ADGRV1: variants seen among roughly 807,000 people sequenced by gnomAD.
The protein encoded by ADGRV1 is adhesion G protein-coupled receptor V1.
A neutral mutation model predicts 596.2 loss-of-function variants in ADGRV1; 359 were observed. That is an observed-to-expected ratio of 0.60 (90% confidence interval 0.55 to 0.66). The LOEUF is 0.66. Among genes scored for constraint, ADGRV1 ranks in the 30% least tolerant of loss-of-function variants. The pLI is 0.00. For missense variants in ADGRV1, 7,274 were observed against 7,575.6 expected, an observed-to-expected ratio of 0.96 and a Z score of 1.48; for synonymous variants, 2,681 against 2,679.2, an observed-to-expected ratio of 1.00 and a Z score of -0.02.
At chr5:91,111,918 CA>C (rs1280623855) in intron 87 of ADGRV1, among the ~76,000 whole-genome samples, 1 of 152,180 alleles carries the variant, frequency 6.6e-6, no homozygotes, top group Non-Finnish European at 1.5e-5. Context: ...TATAACTTCA[CA>C]AATAAATATA....
chr5:91,134,685 T>C (rs1371744825), intron 87 of ADGRV1, among the ~76,000 whole-genome samples: 1 of 152,218 alleles, frequency 6.6e-6, no homozygotes, highest in Non-Finnish European at 1.5e-5. Flanking sequence ...TGTTTCCTTA[T>C]GTTAAGATTA....
At position 90,694,791 on chromosome 5, in the gene ADGRV1, G is replaced by A. The variant is rs542062065; in HGVS notation, c.7945+90G>A. 4.6e-5 allele frequency: 54 copies of A among 1,172,810 alleles called. No homozygotes were observed. In the African/African-American group the frequency reaches 7.0e-4, roughly 15 times the overall value. The allele number at this position is 1,172,810 out of a possible 1,614,324, so 72.7% of individuals were successfully genotyped here. A position where few individuals can be genotyped will look rare whatever the true frequency, so the allele number is the denominator to read the frequency against. The stretch of plus-strand genomic sequence containing the variant: ...TAAAATTTATAAGAATTCTTACTGT[G>A]TACATTCTTGTTAATATACAGAAAT... On this transcript the variant is annotated intron_variant, in intron 33 of 89. Coordinates refer to ENST00000405460, the MANE Select transcript of ADGRV1 (RefSeq NM_032119.4).
intron 85 of ADGRV1, among the ~76,000 whole-genome samples, chr5:91,012,683 T>G (rs1247141906): frequency 6.6e-6 from 1 of 152,004 alleles, no homozygotes; most frequent in Admixed American, 6.6e-5. Flanking sequence ...TAATGTATAT[T>G]CATAAATGTT....
Position 90,823,581 on chromosome 5 carries a change from AC to A in ADGRV1, c.16354del (p.Leu5452SerfsTer26). ...AAACAAAATGCTTTATCAGCATTGA[AC>A]TCAAACCAGAAAAGGTAAGAAATGA... is the stretch of plus-strand genomic sequence containing the variant. ...GQTKCFISIE[L>X]KPEKVPQVEV... On this transcript the variant is annotated frameshift_variant, in exon 76 of 90. Transcript: ENST00000405460. LOFTEE classifies it high-confidence loss of function. 6.2e-7 allele frequency: 1 copy of A among 1,613,750 alleles called. No homozygotes were observed. The highest frequency in any genetic ancestry group is 1.3e-5 in the African/African-American group (1 of 75,056).
At chr5:90,699,708 G>T (rs1282287278) in intron 34 of ADGRV1, among the ~76,000 whole-genome samples, 1 of 152,132 alleles carries the variant, frequency 6.6e-6, no homozygotes, top group African/African-American at 2.4e-5. Flanking sequence ...AGACACGGAG[G>T]CCCTCCTGCT....
chr5:90,922,101 G>T (rs78048019), intron 83 of ADGRV1, among the ~76,000 whole-genome samples: 2 of 152,136 alleles, frequency 1.3e-5, no homozygotes, highest in Non-Finnish European at 2.9e-5. Context: ...GGACAGTCCC[G>T]TATCTGTGCC....
At chr5:90,669,016 G>T (rs1216400428) in intron 21 of ADGRV1, among the ~76,000 whole-genome samples, 1 of 152,116 alleles carries the variant, frequency 6.6e-6, no homozygotes, top group Non-Finnish European at 1.5e-5. Context: ...AATGCCTCTT[G>T]CTGAAAAGGG....
chr5:90,881,205 T>C (rs1769734012), intron 83 of ADGRV1, among the ~76,000 whole-genome samples: 2 of 152,194 alleles, frequency 1.3e-5, no homozygotes, highest in Admixed American at 1.3e-4. Context: ...AAGAAACTGC[T>C]GGACTCCACC....
At position 90,637,706 on chromosome 5, in the gene ADGRV1, G is replaced by C. The variant is rs1256837518; in HGVS notation, c.2017-19G>C. The C allele has an allele frequency of 6.5e-7, 1 of 1,527,918 alleles. No individual in the cohort carries two copies. Among genetic ancestry groups the C allele is most frequent in the Non-Finnish European group, 8.9e-7 (1 of 1,127,248 alleles). 94.6% of individuals were successfully genotyped at this position (1,527,918 alleles called of 1,614,324 possible). On this transcript the variant is annotated intron_variant, in intron 10 of 89. Transcript: ENST00000405460. ...CATATATTTTAGAAGAAATTGTTCT[G>C]TTCTTTTCTTTTTATAAGGTATACA...
intron 77 of ADGRV1, among the ~76,000 whole-genome samples, chr5:90,832,473 T>C (rs891470088): frequency 1.6e-4 from 24 of 152,188 alleles, no homozygotes; most frequent in African/African-American, 5.5e-4. Context: ...CATAGAGTTC[T>C]TTGAGCTCCT....
intron 84 of ADGRV1, among the ~76,000 whole-genome samples, chr5:90,983,831 A>ATT (rs1373820002): frequency 2.0e-5 from 3 of 152,180 alleles, no homozygotes. Flanking sequence ...GTAACCAAAC[A>ATT]TTTTTATCCT....
intron 18 of ADGRV1, 24 bp from the exon 19 acceptor site, chr5:90,652,322 A>G (rs79559494): frequency 5.3e-6 from 8 of 1,511,310 alleles, no homozygotes; most frequent in Non-Finnish European, 7.2e-6. Context: ...ACTACTTATA[A>G]ATTTTCTTTA....
intron 85 of ADGRV1, among the ~76,000 whole-genome samples, chr5:91,019,642 A>G (rs940734879): frequency 1.1e-4 from 16 of 151,958 alleles, no homozygotes; most frequent in Non-Finnish European, 2.4e-4. Flanking sequence ...TAAAAGTCTG[A>G]TGACTTGGAA....
chr5:90,595,786 A>G (rs1206275157), intron 1 of ADGRV1, among the ~76,000 whole-genome samples: 327 of 70,116 alleles, frequency 4.7e-3, no homozygotes, highest in Middle Eastern at 0.022. Flanking sequence ...GCCGGGCGGG[A>G]GGCTGACCCC....
At chr5:90,643,772 T>G in intron 13 of ADGRV1, 31 bp from the exon 14 acceptor site, 1 of 1,504,808 alleles carries the variant, frequency 6.6e-7, no homozygotes, top group South Asian at 1.3e-5. Flanking sequence ...GTCAACTTTA[T>G]AATTTCCATA....
chr5:90,877,836 T>C (rs953443893), intron 83 of ADGRV1, among the ~76,000 whole-genome samples: 4 of 152,014 alleles, frequency 2.6e-5, no homozygotes, highest in Non-Finnish European at 4.4e-5. Flanking sequence ...AATATTTAAA[T>C]TTATATAAAA....
chr5:90,856,015 C>G, intron 82 of ADGRV1, 114 bp downstream of exon 82: 1 of 839,836 alleles, frequency 1.2e-6, no homozygotes, highest in South Asian at 1.7e-5. Context: ...TTCATCAGCA[C>G]TAGAAGAATA....
chr5:90,653,208 G>A lies in ADGRV1; in HGVS notation c.3635-1G>A, dbSNP rs1388788521. 2 of 1,601,076 alleles carry A rather than the reference G, an allele frequency of 1.2e-6. No homozygotes were observed. Among genetic ancestry groups the A allele is most frequent in the Non-Finnish European group, 1.7e-6 (2 of 1,172,094 alleles). ...CTCACTCATAAATTTTCTTGTTACA[G>A]GTGGATCCCCAGGTCCTGGGGGCCA... On this transcript the variant is annotated splice_acceptor_variant, in intron 19 of 89. Transcript: ENST00000405460. LOFTEE classifies it high-confidence loss of function.
At chr5:90,668,690 A>G (rs1159484926) in intron 21 of ADGRV1, among the ~76,000 whole-genome samples, 1 of 152,162 alleles carries the variant, frequency 6.6e-6, no homozygotes, top group Admixed American at 6.5e-5. Flanking sequence ...TTAGAACTTA[A>G]AAAATTTACT....
Sources: allele counts gnomAD v4.1 joint callset (sites outside exome capture counted in the v4.1 genomes callset), GRCh38; gene constraint gnomAD v4.1.1; transcripts MANE v1.5; gene names NCBI Gene and HGNC (gene_info 2026-07-23, HGNC 2026-07-21).